The following CADPS variants were observed in gnomAD, a reference collection of about 807,000 sequenced individuals.
CADPS encodes calcium dependent secretion activator.
CADPS carries 57 observed loss-of-function variants against 167.3 expected under a neutral mutation model. The ratio of observed to expected loss-of-function variants is 0.34; its 90% CI spans 0.28 to 0.42. The LOEUF (loss-of-function observed/expected upper bound fraction) is 0.42, where lower values mean the gene tolerates loss of function less well. Ranked by LOEUF, CADPS falls within the 20% of genes least tolerant of loss-of-function variation. The pLI, the probability that CADPS is intolerant of heterozygous loss-of-function variation, is 1.00. For missense variants in CADPS, 1,414 were observed against 1,738.1 expected (o/e 0.81, Z 3.32); for synonymous variants, 676 against 635.3 (o/e 1.06, Z -0.96).
chr3:62,418,703 A>T (rs2050702308), intron 28 of CADPS, among the ~76,000 whole-genome samples: 1 of 151,950 alleles, frequency 6.6e-6, no homozygotes, highest in Non-Finnish European at 1.5e-5. Context: ...ATGAAGAGCA[A>T]GGCAAAAACC....
intron 23 of CADPS, among the ~76,000 whole-genome samples, chr3:62,476,782 C>T (rs1216691294): frequency 6.6e-6 from 1 of 152,144 alleles, no homozygotes; most frequent in Non-Finnish European, 1.5e-5. Context: ...AGTTTAGGAA[C>T]TGGTAAGCCT....
chr3:62,664,046 T>C (rs548280460), intron 3 of CADPS, among the ~76,000 whole-genome samples: 7 of 152,272 alleles, frequency 4.6e-5, no homozygotes, highest in African/African-American at 1.7e-4. Context: ...CTTGCTGTCT[T>C]GCCCAGGCCG....
chr3:62,788,144 G>A (rs1033434644), intron 1 of CADPS, among the ~76,000 whole-genome samples: 1 of 152,138 alleles, frequency 6.6e-6, no homozygotes, highest in African/African-American at 2.4e-5. Flanking sequence ...ACACCACACA[G>A]TTAAATCTGA....
chr3:62,627,337 G>A (rs1207040528), intron 6 of CADPS, among the ~76,000 whole-genome samples: 1 of 152,014 alleles, frequency 6.6e-6, no homozygotes, highest in African/African-American at 2.4e-5. Context: ...TAGTGCTTTA[G>A]TTTTACCCAG....
intron 3 of CADPS, among the ~76,000 whole-genome samples, chr3:62,741,256 C>A (rs2080177485): frequency 6.6e-6 from 1 of 152,126 alleles, no homozygotes; most frequent in Admixed American, 6.5e-5. Context: ...AGGAGGGACT[C>A]CTGCCTAACT....
chr3:62,484,735 T>C (rs2062549633), intron 21 of CADPS, among the ~76,000 whole-genome samples: 1 of 152,178 alleles, frequency 6.6e-6, no homozygotes, highest in South Asian at 2.1e-4. Context: ...TCATTCCTGC[T>C]TCTAGAATTG....
At chr3:62,418,106 A>T (rs76490523) in intron 28 of CADPS, among the ~76,000 whole-genome samples, 1 of 152,208 alleles carries the variant, frequency 6.6e-6, no homozygotes, top group East Asian at 1.9e-4. Flanking sequence ...TTCTCCTAAC[A>T]ACCTTAAGAA....
chr3:62,639,931 C>T (rs2067092749), intron 6 of CADPS, among the ~76,000 whole-genome samples: 1 of 152,164 alleles, frequency 6.6e-6, no homozygotes, highest in African/African-American at 2.4e-5. Flanking sequence ...GCCCCCACTA[C>T]TTTCTATCAC....
rs1272146452 is a variant in CADPS at position 62,874,613 on chromosome 3, G to C, written c.417C>G (p.Thr139=). The change falls in exon 1 of 30, where the codon ACC becomes ACG. Residue 139 remains threonine (T), a synonymous_variant. Transcript: ENST00000383710. This position sits in a 1 kb window ranked among gnomAD's most constrained non-coding sequence, Gnocchi z 7.1. ...CCTTCTGCTGCCGGCGAGCCATGTCGGTGGGCTGCTTGGCATTAAAGGGGT... is the reference window on the plus strand; with the variant it reads ...CCTTCTGCTGCCGGCGAGCCATGTCCGTGGGCTGCTTGGCATTAAAGGGGT... ...IAYPFNAKQP[T]DMARRQQKIS... is the part of the protein sequence containing the mutation. 2.6e-6 allele frequency: 4 copies of C among 1,558,384 alleles called. No individual in the cohort carries two copies. Among genetic ancestry groups the C allele is most frequent in the Non-Finnish European group, 2.6e-6 (3 of 1,150,520 alleles).
At chr3:62,814,965 C>T (rs576750906) in intron 1 of CADPS, among the ~76,000 whole-genome samples, 1 of 152,138 alleles carries the variant, frequency 6.6e-6, no homozygotes, top group African/African-American at 2.4e-5. Flanking sequence ...TTTTGCGGGA[C>T]TTCCGTCTTC....
chr3:62,603,406 A>G (rs983538717), intron 6 of CADPS, among the ~76,000 whole-genome samples: 2 of 152,232 alleles, frequency 1.3e-5, no homozygotes, highest in Non-Finnish European at 2.9e-5. Context: ...TTATTGTTAT[A>G]TTCCAGTTGT....
chr3:62,800,579 TA>T (rs1219036710), intron 1 of CADPS, among the ~76,000 whole-genome samples: 2 of 152,170 alleles, frequency 1.3e-5, no homozygotes, highest in Non-Finnish European at 2.9e-5. Context: ...AATATAGAAA[TA>T]TGTTTAAATT....
At position 62,478,107 on chromosome 3, in the gene CADPS, G is replaced by T; in HGVS notation, c.3329+154C>A. 1.3e-6 allele frequency: 1 copy of T among 767,580 alleles called. No homozygotes were observed. The highest frequency in any genetic ancestry group is 2.1e-6 in the Non-Finnish European group (1 of 481,966). The allele number at this position is 767,580 out of a possible 1,614,324, so 47.5% of individuals were successfully genotyped here. A position where few individuals can be genotyped will look rare whatever the true frequency, so the allele number is the denominator to read the frequency against. ...GAGGGCAGGTGAATGGAAGTTAGAC[G>T]TTGACAGCCACTACTCCAGCTGACT... On this transcript the variant is annotated intron_variant, in intron 23 of 29. Transcript: ENST00000383710. This position sits in a 1 kb window ranked among gnomAD's most constrained non-coding sequence, Gnocchi z 5.7.
At chr3:62,700,951 C>T (rs536630557) in intron 3 of CADPS, among the ~76,000 whole-genome samples, 57 of 152,156 alleles carry the variant, frequency 3.7e-4, no homozygotes, top group Admixed American at 6.5e-4. Context: ...CTGGTGAGTG[C>T]CCCCTTCAGG....
intron 7 of CADPS, among the ~76,000 whole-genome samples, chr3:62,590,440 C>T (rs192401531): frequency 8.5e-4 from 129 of 152,296 alleles, no homozygotes; most frequent in Non-Finnish European, 1.5e-3. Context: ...AAATGAGTAT[C>T]GTTTCTCAAA....
chr3:62,508,985 C>G (rs1288059171), intron 17 of CADPS, among the ~76,000 whole-genome samples: 1 of 151,832 alleles, frequency 6.6e-6, no homozygotes, highest in African/African-American at 2.4e-5. Context: ...CTTGGAAACC[C>G]TGATTTATGC....
At chr3:62,782,081 G>A (rs1317396865) in intron 1 of CADPS, among the ~76,000 whole-genome samples, 1 of 152,158 alleles carries the variant, frequency 6.6e-6, no homozygotes, top group Admixed American at 6.6e-5. Flanking sequence ...AGGTTTGGAA[G>A]GACAGACGCA....
At chr3:62,562,220 T>A (rs1398416042) in intron 9 of CADPS, among the ~76,000 whole-genome samples, 3 of 152,202 alleles carry the variant, frequency 2.0e-5, no homozygotes, top group East Asian at 3.9e-4. Flanking sequence ...TGAATCACAG[T>A]TCCTGGAGAC....
chr3:62,501,018 A>G (rs1435902912), intron 17 of CADPS, among the ~76,000 whole-genome samples: 1 of 152,192 alleles, frequency 6.6e-6, no homozygotes, highest in African/African-American at 2.4e-5. Flanking sequence ...CCTGAGGGCT[A>G]GTGTGAAAAT....
Sources: gnomAD v4.1 joint callset for allele counts (sites outside exome capture counted in the v4.1 genomes callset) on GRCh38, gnomAD v4.1.1 for gene constraint, Gnocchi (gnomAD v3.1) non-coding constraint, MANE v1.5 for transcripts, NCBI Gene and HGNC (gene_info 2026-07-23, HGNC 2026-07-21) for gene names.